SPTLC3: variants seen among roughly 807,000 people sequenced by gnomAD.
SPTLC3 encodes serine palmitoyltransferase long chain base subunit 3.
A neutral mutation model predicts 59.3 loss-of-function variants in SPTLC3; 36 were observed. The ratio of observed to expected loss-of-function variants is 0.61; its 90% CI spans 0.47 to 0.80. SPTLC3 has a LOEUF of 0.80. Ranked by LOEUF, SPTLC3 falls within the 30% of genes least tolerant of loss-of-function variation. The pLI, the probability that SPTLC3 is intolerant of heterozygous loss-of-function variation, is 0.00. For missense variants in SPTLC3, 625 were observed against 685.1 expected, an observed-to-expected ratio of 0.91 and a Z score of 0.98; for synonymous variants, 257 against 240.8, an observed-to-expected ratio of 1.07 and a Z score of -0.62.
rs747184948 is a variant in SPTLC3, at chr20:13,154,040, A to G, written c.1317A>G (p.Arg439=). The G allele has an allele frequency of 1.2e-6, 2 of 1,614,150 alleles. No individual in the cohort carries two copies. Among genetic ancestry groups the G allele is most frequent in the Non-Finnish European group, 1.7e-6 (2 of 1,179,998 alleles). ...QRVQQLAKNT[R]YFRQRLQEMG... ...TACAGCAACTTGCGAAAAACACAAG[A>G]TACTTCAGACAAAGACTGCAGGAAA... Residue 439 remains arginine (R), a synonymous_variant, in exon 10 of 12, where the codon AGA becomes AGG. Coordinates refer to ENST00000399002, the MANE Select transcript of SPTLC3 (RefSeq NM_018327.4).
intron 1 of SPTLC3, among the ~76,000 whole-genome samples, chr20:13,039,808 A>G (rs1048347693): frequency 3.3e-5 from 5 of 151,996 alleles, no homozygotes; most frequent in Non-Finnish European, 7.4e-5. Context: ...GGCTTGCCAT[A>G]CATATGTTAA....
intron 4 of SPTLC3, among the ~76,000 whole-genome samples, chr20:13,082,475 C>CT (rs35279208): frequency 0.27 from 41,200 of 151,082 alleles, 5,785 homozygotes; most frequent in Middle Eastern, 0.35. Context: ...AAGAATAAGA[C>CT]TTGTGACACA....
At chr20:13,093,369 A>G (rs1280620771) in intron 5 of SPTLC3, 115 bp from the exon 6 acceptor site, 1 of 913,746 alleles carries the variant, frequency 1.1e-6, no homozygotes, top group East Asian at 2.5e-5. Context: ...TTTTAAAATT[A>G]AAGTGAGTTT....
intron 6 of SPTLC3, among the ~76,000 whole-genome samples, chr20:13,106,657 A>G (rs1272575031): frequency 6.6e-6 from 1 of 152,164 alleles, no homozygotes; most frequent in Non-Finnish European, 1.5e-5. Context: ...CTCAGTTGCC[A>G]ATAATAATCA....
chr20:13,150,437 G>A (rs1471044163), intron 9 of SPTLC3, among the ~76,000 whole-genome samples: 1 of 152,092 alleles, frequency 6.6e-6, no homozygotes, highest in Non-Finnish European at 1.5e-5. Flanking sequence ...TTTAGAATTG[G>A]GGATTTTGAA....
chr20:13,058,625 C>A (rs1987825711), intron 2 of SPTLC3, among the ~76,000 whole-genome samples: 1 of 152,172 alleles, frequency 6.6e-6, no homozygotes, highest in Non-Finnish European at 1.5e-5. Context: ...AAGTGATTCT[C>A]ATCCGCATAC....
chr20:13,134,122 G>T (rs113468064), intron 9 of SPTLC3, among the ~76,000 whole-genome samples: 1 of 152,186 alleles, frequency 6.6e-6, no homozygotes, highest in African/African-American at 2.4e-5. Flanking sequence ...CACAGGTGCA[G>T]CTACCATATA....
chr20:13,016,827 T>C (rs1282888983), intron 1 of SPTLC3, among the ~76,000 whole-genome samples: 3 of 152,168 alleles, frequency 2.0e-5, no homozygotes, highest in Non-Finnish European at 4.4e-5. Context: ...TAATAATCTT[T>C]AACATGTCTT....
At chr20:13,090,771 C>G (rs1250215022) in intron 4 of SPTLC3, among the ~76,000 whole-genome samples, 2 of 152,158 alleles carry the variant, frequency 1.3e-5, no homozygotes, top group Non-Finnish European at 2.9e-5. Flanking sequence ...ACAGCCTGTA[C>G]TTTTTTAGAT....
intron 7 of SPTLC3, among the ~76,000 whole-genome samples, chr20:13,112,483 A>G (rs1260613676): frequency 5.9e-5 from 9 of 152,194 alleles, no homozygotes; most frequent in Admixed American, 5.9e-4. Flanking sequence ...GCCAGCCCCG[A>G]TTCAAAAGAA....
At chr20:13,020,568 A>G (rs2327448) in intron 1 of SPTLC3, among the ~76,000 whole-genome samples, 85,864 of 151,954 alleles carry the variant, frequency 0.57, 26,938 homozygotes, top group South Asian at 0.71. Flanking sequence ...ATTTTATTAC[A>G]TAATATATTA....
At chr20:13,069,529 T>C (rs887540368) in intron 2 of SPTLC3, among the ~76,000 whole-genome samples, 3 of 152,136 alleles carry the variant, frequency 2.0e-5, no homozygotes, top group African/African-American at 7.2e-5. Context: ...CAGTTCACAA[T>C]AGGATTTGCA....
intron 7 of SPTLC3, among the ~76,000 whole-genome samples, chr20:13,115,383 CAG>C (rs1990479106): frequency 6.6e-6 from 1 of 152,052 alleles, no homozygotes; most frequent in African/African-American, 2.4e-5. Context: ...AAATATAAAC[CAG>C]GTGGGCAGGC....
intron 6 of SPTLC3, among the ~76,000 whole-genome samples, chr20:13,107,015 T>C (rs1989939278): frequency 6.6e-6 from 1 of 152,214 alleles, no homozygotes; most frequent in Non-Finnish European, 1.5e-5. Flanking sequence ...TAATGTAGTC[T>C]GCAGCAAGTT....
intron 9 of SPTLC3, among the ~76,000 whole-genome samples, chr20:13,150,036 C>A (rs1346531087): frequency 1.3e-5 from 2 of 152,182 alleles, no homozygotes; most frequent in Non-Finnish European, 2.9e-5. Context: ...GTGCTGAATG[C>A]ACACGGGGAC....
At chr20:13,078,993 T>C (rs11697737) in intron 4 of SPTLC3, among the ~76,000 whole-genome samples, 3,966 of 152,270 alleles carry the variant, frequency 0.026, 73 homozygotes, top group Middle Eastern at 0.054. Context: ...GTAAGAGATA[T>C]ATTAGGGAAA....
intron 6 of SPTLC3, among the ~76,000 whole-genome samples, chr20:13,107,996 A>G (rs1990001020): frequency 6.6e-6 from 1 of 152,100 alleles, no homozygotes; most frequent in African/African-American, 2.4e-5. Context: ...TATTAACACT[A>G]CTGTTTGGAT....
intron 9 of SPTLC3, among the ~76,000 whole-genome samples, chr20:13,153,148 A>G (rs565398467): frequency 8.5e-5 from 13 of 152,314 alleles, no homozygotes; most frequent in African/African-American, 3.1e-4. Flanking sequence ...TATTGAGCAA[A>G]CACTATCTAG....
At chr20:13,024,349 A>G (rs543421299) in intron 1 of SPTLC3, among the ~76,000 whole-genome samples, 1 of 151,870 alleles carries the variant, frequency 6.6e-6, no homozygotes, top group Admixed American at 6.6e-5. Context: ...TCATATATCT[A>G]CTACCTAGAT....
Sources: gnomAD v4.1 joint callset for allele counts (sites outside exome capture counted in the v4.1 genomes callset) on GRCh38, gnomAD v4.1.1 for gene constraint, MANE v1.5 for transcripts, NCBI Gene and HGNC (gene_info 2026-07-23, HGNC 2026-07-21) for gene names.